PFKFB3: variants seen among roughly 807,000 people sequenced by gnomAD.
PFKFB3 encodes 6-phosphofructo-2-kinase/fructose-2,6-biphosphatase 3.
In PFKFB3, 33 loss-of-function variants were observed where a neutral mutation model predicts 68.0. The observed-to-expected ratio is 0.49, with a 90% CI of 0.37 to 0.65. PFKFB3 has a LOEUF of 0.65. Among genes scored for constraint, PFKFB3 ranks in the 30% least tolerant of loss-of-function variants. The pLI is 0.00. For synonymous variants in PFKFB3, 315 were observed against 288.2 expected (o/e 1.09, Z -0.94); for missense variants, 586 against 712.2 (o/e 0.82, Z 2.02).
the PFKFB3 span, among the ~76,000 whole-genome samples, chr10:6,273,196 A>G: frequency 6.6e-6 from 1 of 151,650 alleles, no homozygotes; most frequent in Non-Finnish European, 1.5e-5. Flanking sequence ...TTCAGTAGAG[A>G]CGGGGTTTGC....
chr10:6,245,544 G>A (rs1209970936), intron 14 of PFKFB3, among the ~76,000 whole-genome samples: 2 of 151,954 alleles, frequency 1.3e-5, no homozygotes, highest in African/African-American at 2.4e-5. Flanking sequence ...AGCCTCCCCC[G>A]TAGCTGGGAC....
chr10:6,224,384 G>A, intron 13 of PFKFB3, 171 bp downstream of exon 13: 1 of 647,302 alleles, frequency 1.5e-6, no homozygotes, highest in Admixed American at 2.4e-5. Flanking sequence ...TGTCTGTTCT[G>A]TGGCTTCTGG....
At chr10:6,325,574 GA>G in the PFKFB3 span, among the ~76,000 whole-genome samples, 2 of 151,696 alleles carry the variant, frequency 1.3e-5, no homozygotes, top group African/African-American at 4.8e-5. Context: ...TTTCAATCAG[GA>G]AAAAAAATGT....
At chr10:6,217,236 CA>C (rs1326323579) in intron 6 of PFKFB3, 45 bp downstream of exon 6, 3 of 1,547,496 alleles carry the variant, frequency 1.9e-6, no homozygotes, top group African/African-American at 2.7e-5. Flanking sequence ...GCGTAGACCA[CA>C]AGGGCATTTG....
intron 14 of PFKFB3, among the ~76,000 whole-genome samples, chr10:6,230,798 C>T (rs1272848462): frequency 2.6e-5 from 4 of 151,980 alleles, no homozygotes; most frequent in African/African-American, 9.7e-5. Context: ...TCACTGCAAC[C>T]TCCTTCTCCC....
downstream of PFKFB3, among the ~76,000 whole-genome samples, chr10:6,255,778 C>T (rs1204390203): frequency 1.3e-5 from 2 of 152,136 alleles, no homozygotes; most frequent in Admixed American, 6.6e-5. Context: ...ACTGGGTAGG[C>T]GGGGTACGAA....
the PFKFB3 span, among the ~76,000 whole-genome samples, chr10:6,289,770 A>G: frequency 6.6e-6 from 1 of 152,098 alleles, no homozygotes; most frequent in East Asian, 1.9e-4. Context: ...TGGGGATGGC[A>G]TTGAATCTAT....
the PFKFB3 span, among the ~76,000 whole-genome samples, chr10:6,276,022 C>A: frequency 2.6e-5 from 4 of 152,238 alleles, no homozygotes; most frequent in African/African-American, 9.6e-5. Flanking sequence ...CAATTCATGG[C>A]ACCTTGTATT....
intron 13 of PFKFB3, chr10:6,225,269 A>G (rs1464070866): frequency 2.2e-6 from 1 of 451,164 alleles, no homozygotes; most frequent in African/African-American, 2.0e-5. Context: ...AGTCCCAGGA[A>G]GCTTGGCCTT....
intron 1 of PFKFB3, among the ~76,000 whole-genome samples, chr10:6,151,279 A>T (rs1841574124): frequency 6.6e-6 from 1 of 151,830 alleles, no homozygotes; most frequent in African/African-American, 2.4e-5. Context: ...GTGTCTGAAG[A>T]GCAGCGGGGT....
chr10:6,246,715 G>A (rs540570396), intron 14 of PFKFB3, among the ~76,000 whole-genome samples: 2 of 152,008 alleles, frequency 1.3e-5, no homozygotes, highest in African/African-American at 2.4e-5. Flanking sequence ...GGTTTGTTAC[G>A]TGGGTATATT....
At chr10:6,309,478 C>T in the PFKFB3 span, among the ~76,000 whole-genome samples, 1 of 151,976 alleles carries the variant, frequency 6.6e-6, no homozygotes, top group South Asian at 2.1e-4. Context: ...ACAAATTAGC[C>T]AGGCATGGTG....
At chr10:6,230,164 G>A (rs773148425) in intron 14 of PFKFB3, among the ~76,000 whole-genome samples, 8 of 152,174 alleles carry the variant, frequency 5.3e-5, no homozygotes, top group African/African-American at 9.7e-5. Context: ...AATCCCTCCT[G>A]TTCAGCAAAA....
Position 6,203,208 on chromosome 10 carries a change from C to T in PFKFB3, c.-53C>T. On this transcript the variant is annotated 5_prime_UTR_variant, in exon 1 of 15. Transcript: ENST00000379775. ...CCGGGGGTCGGCGGCCGCTCTCCTG[C>T]CAGCGTCGGGATCTCGGCCCCGGGA... 3.1e-6 allele frequency: 5 copies of T among 1,590,114 alleles called. No homozygotes were observed. Among genetic ancestry groups the T allele is most frequent in the Middle Eastern group, 1.7e-4 (1 of 5,842 alleles).
At chr10:6,155,395 G>A (rs751035776) in intron 1 of PFKFB3, among the ~76,000 whole-genome samples, 12 of 151,754 alleles carry the variant, frequency 7.9e-5, no homozygotes, top group Admixed American at 7.9e-4. Context: ...TCATAGAGAC[G>A]GGGTTTCACC....
At chr10:6,306,399 T>TG in the PFKFB3 span, among the ~76,000 whole-genome samples, 44 of 152,342 alleles carry the variant, frequency 2.9e-4, no homozygotes, top group African/African-American at 1.0e-3. Context: ...AGTGGTATTT[T>TG]GGGGGCATTT....
At position 6,216,133 on chromosome 10, in the gene PFKFB3, C is replaced by T; in HGVS notation, c.308C>T (p.Ala103Val). 6.2e-7 allele frequency: 1 copy of T among 1,614,062 alleles called. No individual in the cohort carries two copies. Among genetic ancestry groups the T allele is most frequent in the Non-Finnish European group, 8.5e-7 (1 of 1,179,944 alleles). ...TGTCTTGTGCATTCCAGGCAATGTG[C>T]CTTAGCTGCCTTGAGAGATGTCAAA... ...EEAMKVRKQC[A>V]LAALRDVKSY... The change falls in exon 4 of 15, where the codon GCC (alanine) becomes GTC (valine). Residue 103 changes from alanine (A) to valine (V), a missense_variant. Ala to Val is a moderately conservative substitution (Grantham distance 64). Coordinates refer to ENST00000379775, the MANE Select transcript of PFKFB3 (RefSeq NM_004566.4).
rs76735479 is a variant in PFKFB3, at chr10:6,179,920, C to T, written c.17-33703C>T. Reference sequence around the variant, plus strand: ...GTGACACCCAAGCATGTAACTAACTCGAGACCAGGAGCATCCACTGACAAA... The same window carrying T: ...GTGACACCCAAGCATGTAACTAACTTGAGACCAGGAGCATCCACTGACAAA... On this transcript the variant is annotated intron_variant, in intron 1 of 14. Coordinates refer to the PFKFB3 transcript ENST00000379789. 4.3e-3 allele frequency among the ~76,000 whole-genome samples: 656 copies of T among 152,270 alleles called. 1 individual carries two copies. Among genetic ancestry groups the T allele is most frequent in the Non-Finnish European group, 7.6e-3 (519 of 68,030 alleles).
chr10:6,251,554 A>G (rs4750176), intron 14 of PFKFB3, among the ~76,000 whole-genome samples: 98,966 of 152,194 alleles, frequency 0.65, 36,921 homozygotes, highest in Non-Finnish European at 0.84. Context: ...GCAAGAAGAG[A>G]GAGATGAATT....
Sources: allele counts gnomAD v4.1 joint callset (sites outside exome capture counted in the v4.1 genomes callset), GRCh38; gene constraint gnomAD v4.1.1; transcripts MANE v1.5; gene names NCBI Gene and HGNC (gene_info 2026-07-23, HGNC 2026-07-21).